PARM1: variants seen among roughly 807,000 people sequenced by gnomAD.
The protein encoded by PARM1 is prostate androgen-regulated mucin-like protein 1.
Under a neutral mutation model 24.6 loss-of-function variants are expected in PARM1, and 14 were observed. That is an observed-to-expected ratio of 0.57 (90% CI 0.38 to 0.89). The LOEUF is 0.89. Ranked by LOEUF, PARM1 falls within the 40% of genes least tolerant of loss-of-function variation. The pLI, the probability that PARM1 is intolerant of heterozygous loss-of-function variation, is 0.00. For synonymous variants in PARM1, 179 were observed against 156.6 expected (o/e 1.14, Z -1.07); for missense variants, 362 against 380.4 (o/e 0.95, Z 0.40).
At chr4:75,030,838 G>A (rs1723259961) in intron 2 of PARM1, among the ~76,000 whole-genome samples, 2 of 152,066 alleles carry the variant, frequency 1.3e-5, no homozygotes, top group South Asian at 2.1e-4. Flanking sequence ...AGGCTCCCCT[G>A]CCCCCCAGCC....
intron 2 of PARM1, among the ~76,000 whole-genome samples, chr4:75,021,527 C>T (rs138632185): frequency 3.6e-4 from 54 of 151,530 alleles, no homozygotes; most frequent in African/African-American, 1.2e-3. Context: ...GTGTGTCATG[C>T]GAGTTTGTTG....
At chr4:74,985,581 C>A (rs1298569513) in intron 1 of PARM1, among the ~76,000 whole-genome samples, 1 of 152,118 alleles carries the variant, frequency 6.6e-6, no homozygotes, top group African/African-American at 2.4e-5. Flanking sequence ...TGCCCAAGGT[C>A]AAAAGTAACT....
At chr4:74,961,872 G>T (rs1486730885) in intron 1 of PARM1, among the ~76,000 whole-genome samples, 2 of 152,086 alleles carry the variant, frequency 1.3e-5, no homozygotes, top group Non-Finnish European at 2.9e-5. Flanking sequence ...GAAGACATAT[G>T]AATAAATAAT....
rs1287629527 is a variant in PARM1, at chr4:75,049,011, T to C, written c.*2764T>C. Reference sequence around the variant, plus strand: ...TCTTTGACCTCAGGGAGAGCACCTGTCCAGGTCTGCCTAAAGGAAATGGCT... The same window carrying C: ...TCTTTGACCTCAGGGAGAGCACCTGCCCAGGTCTGCCTAAAGGAAATGGCT... On this transcript the variant is annotated 3_prime_UTR_variant, in exon 4 of 4. Coordinates refer to ENST00000307428, the MANE Select transcript of PARM1 (RefSeq NM_015393.4). 6 of 152,504 alleles carry C rather than the reference T, an allele frequency of 3.9e-5. No homozygotes were observed. Among genetic ancestry groups the C allele is most frequent in the Non-Finnish European group, 2.9e-5 (2 of 68,046 alleles). 9.4% of individuals were successfully genotyped at this position (152,504 alleles called of 1,614,324 possible).
intron 2 of PARM1, among the ~76,000 whole-genome samples, chr4:75,019,726 G>A (rs1250531351): frequency 3.3e-5 from 5 of 152,026 alleles, no homozygotes; most frequent in Non-Finnish European, 4.4e-5. Context: ...AATTTCGCCC[G>A]GGCGCGGTGG....
chr4:74,978,252 A>G (rs943674487), intron 1 of PARM1, among the ~76,000 whole-genome samples: 1 of 152,236 alleles, frequency 6.6e-6, no homozygotes. Flanking sequence ...ACATAGGCTC[A>G]AAATAAAGCG....
At chr4:74,960,141 A>C (rs552616030) in intron 1 of PARM1, among the ~76,000 whole-genome samples, 2 of 152,338 alleles carry the variant, frequency 1.3e-5, no homozygotes, top group South Asian at 4.1e-4. Flanking sequence ...GGAGATATAT[A>C]TTCTGATTGC....
In PARM1 at chr4:75,048,622, C is replaced by G. The variant is rs1238792601; in HGVS notation, c.*2375C>G. On this transcript the variant is annotated 3_prime_UTR_variant, in exon 4 of 4. Transcript: ENST00000307428. The stretch of plus-strand genomic sequence containing the variant: ...AAATCCTGGGGCAAGGGATCAGCCT[C>G]TTCCCAGGAACCATCGCCTTCTATA... 4 of 152,428 alleles carry G rather than the reference C, an allele frequency of 2.6e-5. No individual in the cohort carries two copies. The highest frequency in any genetic ancestry group is 9.6e-5 in the African/African-American group (4 of 41,458). 9.4% of individuals were successfully genotyped at this position (152,428 alleles called of 1,614,324 possible). A position where few individuals can be genotyped will look rare whatever the true frequency, so the allele number is the denominator to read the frequency against.
chr4:75,006,382 A>G (rs1423682960), intron 1 of PARM1, among the ~76,000 whole-genome samples: 1 of 148,380 alleles, frequency 6.7e-6, no homozygotes, highest in East Asian at 2.0e-4. Flanking sequence ...TATGAGTGAG[A>G]ACATGTGGAG....
At chr4:75,009,964 CA>C (rs1180546030) in intron 1 of PARM1, among the ~76,000 whole-genome samples, 1 of 152,022 alleles carries the variant, frequency 6.6e-6, no homozygotes, top group East Asian at 1.9e-4. Flanking sequence ...AAAAATTAAG[CA>C]AAAAATTACC....
At chr4:74,973,966 C>T (rs1054712942) in intron 1 of PARM1, among the ~76,000 whole-genome samples, 4 of 152,088 alleles carry the variant, frequency 2.6e-5, no homozygotes, top group Non-Finnish European at 4.4e-5. Context: ...GGAAGTACCA[C>T]CATCTTCTGT....
intron 1 of PARM1, among the ~76,000 whole-genome samples, chr4:75,007,801 T>C (rs148111505): frequency 6.4e-4 from 98 of 152,244 alleles, no homozygotes; most frequent in Middle Eastern, 6.8e-3. Flanking sequence ...TTAGTGCCCT[T>C]ATAAGAAGGG....
At chr4:74,978,559 G>C (rs1722182503) in intron 1 of PARM1, among the ~76,000 whole-genome samples, 2 of 152,124 alleles carry the variant, frequency 1.3e-5, no homozygotes, top group Non-Finnish European at 2.9e-5. Context: ...CATCAAGATA[G>C]AAAATTAACA....
chr4:75,031,394 C>T (rs753214860), intron 2 of PARM1, among the ~76,000 whole-genome samples: 5 of 152,148 alleles, frequency 3.3e-5, no homozygotes, highest in Admixed American at 1.3e-4. Flanking sequence ...AATTCCAGCT[C>T]TGGTCATATA....
At chr4:74,944,452 C>T (rs1397439462) in intron 1 of PARM1, among the ~76,000 whole-genome samples, 5 of 152,110 alleles carry the variant, frequency 3.3e-5, no homozygotes, top group African/African-American at 1.2e-4. Context: ...AGGTGTGGCC[C>T]CAGAGAGTAG....
chr4:75,001,128 C>A (rs1722672922), intron 1 of PARM1, among the ~76,000 whole-genome samples: 1 of 152,062 alleles, frequency 6.6e-6, no homozygotes, highest in African/African-American at 2.4e-5. Flanking sequence ...ACATAAAATA[C>A]CCAGAATATG....
chr4:74,935,748 C>A (rs1268810442), intron 1 of PARM1, among the ~76,000 whole-genome samples: 2 of 152,152 alleles, frequency 1.3e-5, no homozygotes, highest in Non-Finnish European at 2.9e-5. Flanking sequence ...GTATTTCCTC[C>A]AGCACATACA....
At chr4:75,038,136 C>T (rs984053343) in intron 3 of PARM1, among the ~76,000 whole-genome samples, 3 of 152,074 alleles carry the variant, frequency 2.0e-5, no homozygotes, top group Non-Finnish European at 2.9e-5. Flanking sequence ...AGGGTGGTCT[C>T]GCTCTTCTGA....
intron 1 of PARM1, among the ~76,000 whole-genome samples, chr4:74,938,030 G>C (rs535463478): frequency 2.0e-5 from 3 of 152,150 alleles, no homozygotes; most frequent in Non-Finnish European, 4.4e-5. Context: ...TTAAAGGTCA[G>C]GTCCCCAGAG....
Sources: allele counts gnomAD v4.1 joint callset (sites outside exome capture counted in the v4.1 genomes callset), GRCh38; gene constraint gnomAD v4.1.1; transcripts MANE v1.5; gene names NCBI Gene and HGNC (gene_info 2026-07-23, HGNC 2026-07-21).